OGA: variants seen among roughly 807,000 people sequenced by gnomAD.
OGA encodes O-GlcNAcase.
OGA carries 21 observed loss-of-function variants against 102.0 expected under a neutral mutation model. The ratio of observed to expected loss-of-function variants is 0.21; its 90% CI spans 0.15 to 0.30. OGA has a LOEUF of 0.30. Among genes scored for constraint, OGA ranks in the 10% least tolerant of loss-of-function variants. OGA has a pLI of 1.00. For missense variants in OGA, 765 were observed against 1,107.8 expected (o/e 0.69, Z 4.39); for synonymous variants, 408 against 378.2 (o/e 1.08, Z -0.91).
intron 9 of OGA, among the ~76,000 whole-genome samples, 199 bp downstream of exon 9, chr10:101,798,643 A>C (rs1348596919): frequency 6.6e-6 from 1 of 151,894 alleles, no homozygotes; most frequent in African/African-American, 2.4e-5. Flanking sequence ...CAAACTCCTG[A>C]CCTCAGGTGA....
intron 7 of OGA, among the ~76,000 whole-genome samples, chr10:101,801,915 G>A (rs1051826516): frequency 6.6e-6 from 1 of 152,212 alleles, no homozygotes; most frequent in African/African-American, 2.4e-5. Flanking sequence ...GGGAGGCAGA[G>A]GCAGGCAGAT....
chr10:101,817,169 T>A (rs918796274), intron 1 of OGA, among the ~76,000 whole-genome samples: 1 of 152,224 alleles, frequency 6.6e-6, no homozygotes, highest in Admixed American at 6.5e-5. Flanking sequence ...GAGAAGGGCA[T>A]TTTTAAAGCC....
Position 101,800,262 on chromosome 10 carries a change from C to A in OGA, c.1175G>T (p.Gly392Val), listed in dbSNP as rs1158056308. 6.2e-7 allele frequency: 1 copy of A among 1,614,090 alleles called. No homozygotes were observed. The highest frequency in any genetic ancestry group is 8.5e-7 in the Non-Finnish European group (1 of 1,179,950). Reference sequence around the variant, plus strand: ...CTCACTGCTGTATTGATGAGGCACACCAAACTCTTGCAACCATTCTGTTAA... The same window carrying A: ...CTCACTGCTGTATTGATGAGGCACAACAAACTCTTGCAACCATTCTGTTAA... Reference protein sequence around the residue: ...LALTEWLQEFGVPHQYSSRQV... With the variant: ...LALTEWLQEFVVPHQYSSRQV... The change falls in exon 8 of 16, where the codon GGT becomes GTT. Residue 392 changes from glycine (G) to valine (V), a missense_variant. Around this residue, in one of 7 missense-constraint regions of OGA, gnomAD observed 281 missense variants for 345.8 expected, o/e 0.81. Transcript: ENST00000361464.
chr10:101,810,155 G>A, intron 4 of OGA, 29 bp downstream of exon 4: 1 of 1,579,286 alleles, frequency 6.3e-7, no homozygotes, highest in East Asian at 2.3e-5. Context: ...TACATAGTCA[G>A]GAAAAATGAA....
At position 101,817,805 on chromosome 10, in the gene OGA, A is replaced by AG; in HGVS notation, c.199+18dup. The AG allele has an allele frequency of 2.6e-6, 4 of 1,535,540 alleles. No individual in the cohort carries two copies. The highest frequency in any genetic ancestry group is 1.4e-5 in the African/African-American group (1 of 72,906). On this transcript the variant is annotated intron_variant, in intron 1 of 15. Coordinates refer to ENST00000361464, the MANE Select transcript of OGA (RefSeq NM_012215.5). ...AGAACGTGTTAGTGCCAAAACGGGG[A>AG]GGGAAGGAGGGCGCTCACCTTCCAC...
intron 10 of OGA, among the ~76,000 whole-genome samples, chr10:101,795,506 T>C (rs2065303738): frequency 6.6e-6 from 1 of 152,192 alleles, no homozygotes; most frequent in African/African-American, 2.4e-5. Context: ...AAGAAGATAA[T>C]AGAAGTCATT....
intron 8 of OGA, 133 bp downstream of exon 8, chr10:101,800,109 G>C (rs768113122): frequency 1.1e-6 from 1 of 919,614 alleles, no homozygotes; most frequent in Non-Finnish European, 1.7e-6. Context: ...CTGACCTCAG[G>C]TGATCCGCCT....
intron 4 of OGA, among the ~76,000 whole-genome samples, chr10:101,809,154 A>C (rs1013785346): frequency 7.2e-5 from 11 of 152,156 alleles, no homozygotes; most frequent in Non-Finnish European, 1.6e-4. Context: ...TAATAGGTAA[A>C]ACCCTGTTTC....
At chr10:101,793,681 T>C (rs2065283742) in intron 11 of OGA, 2 of 426,928 alleles carry the variant, frequency 4.7e-6, no homozygotes, top group South Asian at 2.5e-5. Context: ...ATGTGAAGTG[T>C]ATACCTAGAG....
chr10:101,814,416 A>G (rs2135098722), intron 1 of OGA, among the ~76,000 whole-genome samples: 1 of 152,344 alleles, frequency 6.6e-6, no homozygotes, highest in Middle Eastern at 3.4e-3. Flanking sequence ...AATCTGACTT[A>G]ATTTTATGAT....
intron 5 of OGA, among the ~76,000 whole-genome samples, chr10:101,806,954 T>C (rs982427044): frequency 5.9e-5 from 9 of 152,120 alleles, no homozygotes; most frequent in Non-Finnish European, 8.8e-5. Context: ...GGTCTCTAAA[T>C]AAATAATACA....
intron 3 of OGA, among the ~76,000 whole-genome samples, chr10:101,810,950 T>A (rs535233364): frequency 2.0e-4 from 30 of 152,188 alleles, no homozygotes; most frequent in Admixed American, 1.1e-3. Flanking sequence ...CTTAGCCTCT[T>A]ACAGTGTTGG....
At chr10:101,799,866 G>A (rs1039030909) in intron 8 of OGA, among the ~76,000 whole-genome samples, 1 of 152,080 alleles carries the variant, frequency 6.6e-6, no homozygotes, top group Non-Finnish European at 1.5e-5. Context: ...CATAAGGTAA[G>A]GCACATGACA....
intron 4 of OGA, among the ~76,000 whole-genome samples, chr10:101,809,049 T>G (rs975216775): frequency 6.6e-6 from 1 of 152,116 alleles, no homozygotes; most frequent in Non-Finnish European, 1.5e-5. Flanking sequence ...GACTTTACAC[T>G]CAATTAGGTT....
chr10:101,787,279 T>A, intron 15 of OGA, 85 bp downstream of exon 15: 1 of 1,343,986 alleles, frequency 7.4e-7, no homozygotes, highest in Non-Finnish European at 1.0e-6. Flanking sequence ...AATTTACAAT[T>A]CACTTCTTTC....
chr10:101,784,666 T>G lies in OGA; in HGVS notation c.*1785A>C, dbSNP rs2065174798. The G allele has an allele frequency of 6.6e-6, 1 of 152,258 alleles. No homozygotes were observed. The highest frequency in any genetic ancestry group is 2.4e-5 in the African/African-American group (1 of 41,450). 9.4% of individuals were successfully genotyped at this position (152,258 alleles called of 1,614,324 possible). ...TGACCAGACCAGCCAACATGATTAC[T>G]AAAAGCCAAGATAAAACCAAAAGCA... On this transcript the variant is annotated 3_prime_UTR_variant, in exon 16 of 16. Coordinates refer to ENST00000361464, the MANE Select transcript of OGA (RefSeq NM_012215.5).
chr10:101,801,014 G>C (rs1180743118), intron 7 of OGA, among the ~76,000 whole-genome samples: 2 of 151,830 alleles, frequency 1.3e-5, no homozygotes, highest in African/African-American at 4.8e-5. Flanking sequence ...CTTGTGATCT[G>C]CCCACCTGGG....
At chr10:101,806,695 A>T (rs2065479167) in intron 5 of OGA, among the ~76,000 whole-genome samples, 1 of 152,246 alleles carries the variant, frequency 6.6e-6, no homozygotes, top group Non-Finnish European at 1.5e-5. Context: ...TTTTCTACAG[A>T]ATTCTGAATT....
intron 9 of OGA, 52 bp downstream of exon 9, chr10:101,798,790 C>A: frequency 6.4e-7 from 1 of 1,554,592 alleles, no homozygotes; most frequent in South Asian, 1.2e-5. Flanking sequence ...TCCACATTAC[C>A]AGTATGGGGA....
Sources: allele counts gnomAD v4.1 joint callset (sites outside exome capture counted in the v4.1 genomes callset), GRCh38; gene constraint gnomAD v4.1.1; regional missense constraint gnomAD v4.1.1; transcripts MANE v1.5; gene names NCBI Gene and HGNC (gene_info 2026-07-23, HGNC 2026-07-21).